The following FBXL7 variants were observed in gnomAD, a reference collection of about 807,000 sequenced individuals.
FBXL7 encodes F-box/LRR-repeat protein 7.
Under a neutral mutation model 38.3 loss-of-function variants are expected in FBXL7, and 12 were observed. The observed-to-expected ratio is 0.31, with a 90% CI of 0.20 to 0.51. FBXL7 has a LOEUF of 0.51. FBXL7 is among the 20% of genes least tolerant of loss of function. The pLI is 0.98. For synonymous variants in FBXL7, 297 were observed against 300.9 expected, an observed-to-expected ratio of 0.99 and a Z score of 0.13; for missense variants, 567 against 676.4, an observed-to-expected ratio of 0.84 and a Z score of 1.79.
At chr5:15,650,372 C>T (rs1027776741) in intron 2 of FBXL7, among the ~76,000 whole-genome samples, 6 of 152,190 alleles carry the variant, frequency 3.9e-5, no homozygotes, top group Non-Finnish European at 5.9e-5. Context: ...AAAGTGCTGA[C>T]GATCATCTGA....
At chr5:15,782,382 A>G (rs1737020628) in intron 2 of FBXL7, among the ~76,000 whole-genome samples, 1 of 152,220 alleles carries the variant, frequency 6.6e-6, no homozygotes, top group Admixed American at 6.5e-5. Flanking sequence ...TTCTAGTTCC[A>G]GATCCTTGAG....
At chr5:15,634,510 G>GC (rs920214746) in intron 2 of FBXL7, among the ~76,000 whole-genome samples, 1 of 149,340 alleles carries the variant, frequency 6.7e-6, no homozygotes, top group Non-Finnish European at 1.5e-5. Flanking sequence ...TTAGTTGGGG[G>GC]GGGGGTTTAC....
At chr5:15,579,787 C>T (rs1028814169) in intron 1 of FBXL7, among the ~76,000 whole-genome samples, 1 of 152,110 alleles carries the variant, frequency 6.6e-6, no homozygotes, top group Non-Finnish European at 1.5e-5. Context: ...CTTTTGTCCT[C>T]CCTGTCTCTC....
intron 2 of FBXL7, among the ~76,000 whole-genome samples, chr5:15,619,632 A>G (rs1740562270): frequency 6.6e-6 from 1 of 152,194 alleles, no homozygotes; most frequent in Non-Finnish European, 1.5e-5. Context: ...ATTCGCCAAT[A>G]TCACCTTCAG....
rs1740431777 is a variant in FBXL7, at chr5:15,615,907, T to C, written c.38-76T>C. 3.3e-6 allele frequency: 3 copies of C among 909,680 alleles called. No homozygotes were observed. The East Asian group carries it at 7.6e-5, about 23-fold the overall frequency. 56.4% of individuals were successfully genotyped at this position (909,680 alleles called of 1,614,324 possible). The stretch of plus-strand genomic sequence containing the variant: ...CTTGGAAACTGGTGATATGGCTTGC[T>C]GTGGGACCGAGTGGAAGGCATGGTC... On this transcript the variant is annotated intron_variant, in intron 1 of 3. Coordinates refer to ENST00000504595, the MANE Select transcript of FBXL7 (RefSeq NM_012304.5).
In FBXL7 at chr5:15,713,027, G is replaced by A. The variant is rs189323708; in HGVS notation, c.127+96955G>A. Reference sequence around the variant, plus strand: ...TTGTAGGACTTGCTCCTCCCTGTAGGTACCCTTGTGGATTCCCAACACATA... The same window carrying A: ...TTGTAGGACTTGCTCCTCCCTGTAGATACCCTTGTGGATTCCCAACACATA... On this transcript the variant is annotated intron_variant, in intron 2 of 3. Transcript: ENST00000504595. Among the ~76,000 whole-genome samples the A allele has an allele frequency of 2.0e-3, 302 of 152,220 alleles. 1 individual carries two copies. The highest frequency in any genetic ancestry group is 6.9e-3 in the African/African-American group (286 of 41,546).
Position 15,813,709 on chromosome 5 carries a change from AG to A in FBXL7, c.128-114180del, listed in dbSNP as rs1737931582. On this transcript the variant is annotated intron_variant, in intron 2 of 3. Transcript: ENST00000504595. ...AAGGGCTAATATCCAGAATCTACAAAGAACTTAAACAAATTTACAAGAAAAA... is the reference window on the plus strand; with the variant it reads ...AAGGGCTAATATCCAGAATCTACAAAAACTTAAACAAATTTACAAGAAAAA... 2.0e-5 allele frequency among the ~76,000 whole-genome samples: 3 copies of A among 152,148 alleles called. No individual in the cohort carries two copies. The South Asian group carries it at 6.2e-4, about 31-fold the overall frequency.
At chr5:15,774,507 G>T (rs1736811260) in intron 2 of FBXL7, among the ~76,000 whole-genome samples, 1 of 152,050 alleles carries the variant, frequency 6.6e-6, no homozygotes, top group South Asian at 2.1e-4. Flanking sequence ...CTATGGCCTT[G>T]GTCCTCAGAA....
At chr5:15,582,480 G>A (rs1561037814) in intron 1 of FBXL7, among the ~76,000 whole-genome samples, 1 of 152,148 alleles carries the variant, frequency 6.6e-6, no homozygotes, top group Non-Finnish European at 1.5e-5. Context: ...TACCTGTGGA[G>A]TTATCCCATC....
At chr5:15,533,303 A>G (rs951570441) in intron 1 of FBXL7, among the ~76,000 whole-genome samples, 4 of 152,030 alleles carry the variant, frequency 2.6e-5, no homozygotes, top group African/African-American at 4.8e-5. Flanking sequence ...AAACTGATTG[A>G]CTCGTGGGGA....
chr5:15,539,476 T>C (rs1038636402), intron 1 of FBXL7, among the ~76,000 whole-genome samples: 1 of 152,198 alleles, frequency 6.6e-6, no homozygotes, highest in Non-Finnish European at 1.5e-5. Flanking sequence ...AGATTGTAAG[T>C]CATCTGTGAG....
intron 1 of FBXL7, among the ~76,000 whole-genome samples, chr5:15,536,280 T>C (rs1245898818): frequency 6.6e-6 from 1 of 152,166 alleles, no homozygotes; most frequent in African/African-American, 2.4e-5. Flanking sequence ...CCCTCTGGGG[T>C]ACTGTCTAAT....
intron 2 of FBXL7, among the ~76,000 whole-genome samples, chr5:15,766,075 A>C (rs1255611013): frequency 1.5e-5 from 1 of 67,338 alleles, no homozygotes; most frequent in African/African-American, 4.2e-5. Context: ...TACCTACCTA[A>C]CAGCATCATA....
intron 1 of FBXL7, among the ~76,000 whole-genome samples, chr5:15,553,200 C>T (rs921748799): frequency 3.9e-5 from 6 of 152,204 alleles, no homozygotes; most frequent in African/African-American, 1.4e-4. Context: ...GCTTCATTGC[C>T]TATCGTGGTT....
At chr5:15,803,702 ATT>A (rs1561132675) in intron 2 of FBXL7, among the ~76,000 whole-genome samples, 1 of 151,932 alleles carries the variant, frequency 6.6e-6, no homozygotes, top group Non-Finnish European at 1.5e-5. Flanking sequence ...AGGCTTGATT[ATT>A]TTCTTTGGAA....
At chr5:15,809,559 T>G (rs776600763) in intron 2 of FBXL7, among the ~76,000 whole-genome samples, 13 of 152,122 alleles carry the variant, frequency 8.5e-5, no homozygotes, top group Non-Finnish European at 1.6e-4. Context: ...GCCTTTAGTA[T>G]TATCACCAGA....
At chr5:15,579,402 T>C (rs1739068425) in intron 1 of FBXL7, among the ~76,000 whole-genome samples, 1 of 152,170 alleles carries the variant, frequency 6.6e-6, no homozygotes, top group Admixed American at 6.5e-5. Context: ...AATTTGTCCA[T>C]GAGTATGTGG....
In FBXL7 at chr5:15,927,939, A is replaced by G. The variant is rs762341965; in HGVS notation, c.177A>G (p.Ile59Met). ...TGAGCACGCCCAGCCCAGCCCTGAT[A>G]TGTCCACCGAATCTCCCAGGATTTC... The part of the protein sequence containing the change: ...RTLSTPSPAL[I>M]CPPNLPGFQN... The change falls in exon 3 of 4, where the codon ATA becomes ATG. Residue 59 changes from isoleucine (I) to methionine (M), a missense_variant. Coordinates refer to ENST00000504595, the MANE Select transcript of FBXL7 (RefSeq NM_012304.5). 1 of 1,560,364 alleles carries G rather than the reference A, an allele frequency of 6.4e-7. No individual in the cohort carries two copies. The highest frequency in any genetic ancestry group is 2.3e-5 in the East Asian group (1 of 44,420).
intron 2 of FBXL7, among the ~76,000 whole-genome samples, chr5:15,862,682 G>C (rs1162998923): frequency 6.6e-6 from 1 of 152,192 alleles, no homozygotes; most frequent in Non-Finnish European, 1.5e-5. Context: ...GGCTTCATGG[G>C]CTGAGTTGGG....
Sources: allele counts gnomAD v4.1 joint callset (sites outside exome capture counted in the v4.1 genomes callset), GRCh38; gene constraint gnomAD v4.1.1; transcripts MANE v1.5; gene names NCBI Gene and HGNC (gene_info 2026-07-23, HGNC 2026-07-21).